The following CPA6 variants were observed in gnomAD, a reference collection of about 807,000 sequenced individuals.
The protein encoded by CPA6 is carboxypeptidase B.
In CPA6, 58 loss-of-function variants were observed where a neutral mutation model predicts 63.3. The ratio of observed to expected loss-of-function variants is 0.92; its 90% confidence interval spans 0.74 to 1.14. The LOEUF is 1.14. Among genes scored for constraint, CPA6 ranks in the 50% most tolerant of loss-of-function variants. The pLI is 0.00. For synonymous variants in CPA6, 185 were observed against 179.0 expected (o/e 1.03, Z -0.27); for missense variants, 565 against 526.6 (o/e 1.07, Z -0.71).
intron 1 of CPA6, among the ~76,000 whole-genome samples, chr8:67,715,238 C>T (rs570945452): frequency 7.9e-5 from 12 of 152,180 alleles, no homozygotes; most frequent in Non-Finnish European, 1.6e-4. Flanking sequence ...ACAAGCCTGC[C>T]TCTACTTCCA....
chr8:67,635,871 C>G (rs1563371398), intron 1 of CPA6, among the ~76,000 whole-genome samples: 1 of 151,600 alleles, frequency 6.6e-6, no homozygotes, highest in South Asian at 2.1e-4. Context: ...ACCAAACTTA[C>G]CTAGATGTAG....
At chr8:67,729,273 T>C (rs1057269694) in intron 1 of CPA6, among the ~76,000 whole-genome samples, 3 of 152,218 alleles carry the variant, frequency 2.0e-5, no homozygotes, top group Non-Finnish European at 4.4e-5. Context: ...GCTTTGATGA[T>C]ATGTTAATGG....
chr8:67,696,416 G>A (rs796791675), intron 1 of CPA6, among the ~76,000 whole-genome samples: 67 of 152,190 alleles, frequency 4.4e-4, no homozygotes, highest in African/African-American at 1.5e-3. Flanking sequence ...GCAAGGTCAT[G>A]GAGCATTGTG....
At chr8:67,664,250 CA>C (rs2128993327) in intron 1 of CPA6, among the ~76,000 whole-genome samples, 1 of 152,102 alleles carries the variant, frequency 6.6e-6, no homozygotes, top group East Asian at 1.9e-4. Flanking sequence ...GGTTCAGGGT[CA>C]GGGGTCACCC....
intron 2 of CPA6, among the ~76,000 whole-genome samples, chr8:67,546,837 T>C (rs919201930): frequency 6.6e-6 from 1 of 151,930 alleles, no homozygotes; most frequent in East Asian, 1.9e-4. Context: ...TACTTTATCT[T>C]TTTTCTGAGA....
At chr8:67,447,506 T>TAC (rs56840320) in intron 8 of CPA6, among the ~76,000 whole-genome samples, 24,894 of 142,478 alleles carry the variant, frequency 0.17, 2,410 homozygotes, top group Middle Eastern at 0.29. Flanking sequence ...TATGTGTGTA[T>TAC]ACACACACAC....
At chr8:67,513,653 G>A (rs1321958520) in intron 3 of CPA6, among the ~76,000 whole-genome samples, 2 of 152,038 alleles carry the variant, frequency 1.3e-5, no homozygotes, top group African/African-American at 4.8e-5. Context: ...CCCAAACGCA[G>A]GCCCTAGGAG....
At chr8:67,547,324 G>T (rs1812839565) in intron 2 of CPA6, among the ~76,000 whole-genome samples, 1 of 152,170 alleles carries the variant, frequency 6.6e-6, no homozygotes, top group South Asian at 2.1e-4. Context: ...GGGATTATAG[G>T]CATGAGCCAC....
chr8:67,550,653 C>A (rs921524108), intron 2 of CPA6, among the ~76,000 whole-genome samples: 1 of 152,166 alleles, frequency 6.6e-6, no homozygotes, highest in Non-Finnish European at 1.5e-5. Context: ...ATATTCCGAC[C>A]AGCTGGGTAT....
chr8:67,446,857 C>T lies in CPA6; in HGVS notation c.839-12617G>A, dbSNP rs974597705. On this transcript the variant is annotated intron_variant, in intron 8 of 10. Transcript: ENST00000297770. ...GGAATGACCCATGTTAAAAACTGAG[C>T]GTAGTTAACATAGTTTACAAATACA... Among the ~76,000 whole-genome samples, 7 of 152,004 alleles carry T rather than the reference C, an allele frequency of 4.6e-5. 1 individual carries two copies. The South Asian group carries it at 8.3e-4, about 18-fold the overall frequency.
At chr8:67,609,500 A>G (rs1386650891) in intron 2 of CPA6, among the ~76,000 whole-genome samples, 1 of 152,228 alleles carries the variant, frequency 6.6e-6, no homozygotes, top group Non-Finnish European at 1.5e-5. Context: ...GTGAAAGTCA[A>G]CGTTGAATAT....
At chr8:67,480,825 A>G (rs1355191610) in intron 8 of CPA6, among the ~76,000 whole-genome samples, 1 of 152,076 alleles carries the variant, frequency 6.6e-6, no homozygotes, top group Non-Finnish European at 1.5e-5. Context: ...ACCCTCACCA[A>G]CACATGTTAT....
At chr8:67,671,983 C>T (rs376237917) in intron 1 of CPA6, among the ~76,000 whole-genome samples, 75 of 152,214 alleles carry the variant, frequency 4.9e-4, no homozygotes, top group Middle Eastern at 3.4e-3. Context: ...GTGCGCACCA[C>T]CACAGCCAGC....
intron 10 of CPA6, 115 bp downstream of exon 10, chr8:67,427,932 T>C: frequency 3.1e-6 from 2 of 640,540 alleles, no homozygotes; most frequent in Non-Finnish European, 2.7e-6. Context: ...GCTAATTTGA[T>C]AGTCAAAATT....
At chr8:67,591,286 T>A (rs1814116196) in intron 2 of CPA6, among the ~76,000 whole-genome samples, 1 of 152,080 alleles carries the variant, frequency 6.6e-6, no homozygotes, top group Non-Finnish European at 1.5e-5. Flanking sequence ...TTGGTTACTG[T>A]AGCCTTGTAG....
At chr8:67,552,713 C>A (rs769812898) in intron 2 of CPA6, among the ~76,000 whole-genome samples, 2 of 127,350 alleles carry the variant, frequency 1.6e-5, no homozygotes, top group Non-Finnish European at 3.1e-5. Context: ...GCAGAGCTTG[C>A]ATGCAGTGAA....
intron 9 of CPA6, 27 bp downstream of exon 9, chr8:67,434,011 T>G (rs752365527): frequency 2.0e-6 from 3 of 1,527,334 alleles, no homozygotes; most frequent in Non-Finnish European, 2.7e-6. Context: ...TGAAGCCTGA[T>G]GTACATGCAC....
intron 2 of CPA6, among the ~76,000 whole-genome samples, chr8:67,566,024 C>A (rs1420981443): frequency 6.6e-6 from 1 of 152,150 alleles, no homozygotes; most frequent in Non-Finnish European, 1.5e-5. Flanking sequence ...ATTTTCATTT[C>A]TTTGCCAGAC....
chr8:67,682,719 G>A (rs1156974294), intron 1 of CPA6, among the ~76,000 whole-genome samples: 1 of 152,196 alleles, frequency 6.6e-6, no homozygotes, highest in Non-Finnish European at 1.5e-5. Flanking sequence ...ATTTATTAGA[G>A]CAGCCTGTTT....
Sources: allele counts gnomAD v4.1 joint callset (sites outside exome capture counted in the v4.1 genomes callset), GRCh38; gene constraint gnomAD v4.1.1; transcripts MANE v1.5; gene names NCBI Gene and HGNC (gene_info 2026-07-23, HGNC 2026-07-21).